Variants in CLSTN1 observed in about 807,000 individuals in gnomAD.
CLSTN1 encodes calsyntenin 1.
Under a neutral mutation model 108.3 loss-of-function variants are expected in CLSTN1, and 28 were observed. The ratio of observed to expected loss-of-function variants is 0.26; its 90% CI spans 0.19 to 0.35. The LOEUF is 0.35. CLSTN1 is among the 10% of genes least tolerant of loss of function. CLSTN1 has a pLI of 1.00. For synonymous variants in CLSTN1, 524 were observed against 534.9 expected (o/e 0.98, Z 0.28); for missense variants, 1,157 against 1,302.6 (o/e 0.89, Z 1.72).
chr1:9,733,912 A>C, intron 15 of CLSTN1, 60 bp downstream of exon 15: 3 of 1,518,832 alleles, frequency 2.0e-6, no homozygotes, highest in Non-Finnish European at 2.7e-6. Flanking sequence ...GCCAGCCAAG[A>C]GCTCTCAAAG....
At chr1:9,808,473 T>C (rs564063582) in intron 1 of CLSTN1, among the ~76,000 whole-genome samples, 1 of 152,310 alleles carries the variant, frequency 6.6e-6, no homozygotes, top group African/African-American at 2.4e-5. Flanking sequence ...AAGATACAAT[T>C]TGGGTTCCAA....
chr1:9,750,733 AG>A (rs1000755749), intron 5 of CLSTN1, among the ~76,000 whole-genome samples: 9 of 150,592 alleles, frequency 6.0e-5, no homozygotes, highest in African/African-American at 2.2e-4. Flanking sequence ...AAAAAAAAAA[AG>A]ATGTCACAGG....
intron 1 of CLSTN1, among the ~76,000 whole-genome samples, chr1:9,792,743 T>TC (rs1271520185): frequency 6.6e-6 from 1 of 151,106 alleles, no homozygotes; most frequent in South Asian, 2.2e-4. Flanking sequence ...CAGGTAAAAA[T>TC]CCCCAAGGAG....
At chr1:9,781,984 G>A (rs189360356) in intron 1 of CLSTN1, among the ~76,000 whole-genome samples, 2 of 152,198 alleles carry the variant, frequency 1.3e-5, no homozygotes, top group African/African-American at 2.4e-5. Context: ...ATTGTATTGG[G>A]CTGAAAGCTG....
intron 1 of CLSTN1, among the ~76,000 whole-genome samples, chr1:9,817,151 G>C (rs566376401): frequency 7.9e-5 from 12 of 152,192 alleles, no homozygotes; most frequent in Non-Finnish European, 1.5e-4. Flanking sequence ...AGGACTGATT[G>C]AGTCCAGGAG....
At chr1:9,749,713 T>A (rs372099971) in intron 6 of CLSTN1, 51 bp downstream of exon 6, 1 of 1,611,590 alleles carries the variant, frequency 6.2e-7, no homozygotes, top group South Asian at 1.1e-5. Context: ...TGCTGCCGCA[T>A]ACATCAGTTT....
At chr1:9,782,322 G>A (rs866241417) in intron 1 of CLSTN1, among the ~76,000 whole-genome samples, 1 of 152,238 alleles carries the variant, frequency 6.6e-6, no homozygotes, top group African/African-American at 2.4e-5. Flanking sequence ...AAAAAAATGT[G>A]TAAAATGAAA....
intron 1 of CLSTN1, among the ~76,000 whole-genome samples, chr1:9,821,485 T>G (rs1358976476): frequency 6.6e-6 from 1 of 152,218 alleles, no homozygotes; most frequent in Non-Finnish European, 1.5e-5. Context: ...AATTTGAGGG[T>G]CTCTACAAAA....
intron 1 of CLSTN1, among the ~76,000 whole-genome samples, chr1:9,799,059 T>C (rs1654137833): frequency 1.3e-5 from 2 of 151,838 alleles, no homozygotes; most frequent in South Asian, 4.2e-4. Context: ...TGCACGCCCA[T>C]GGTCCCAGCT....
intron 7 of CLSTN1, 145 bp downstream of exon 7, chr1:9,749,316 A>G: frequency 1.2e-6 from 1 of 846,156 alleles, no homozygotes. Context: ...ACTAGCCAGC[A>G]AGGCAGCAAA....
intron 9 of CLSTN1, among the ~76,000 whole-genome samples, chr1:9,743,604 G>C (rs577237131): frequency 6.6e-6 from 1 of 152,092 alleles, no homozygotes; most frequent in Non-Finnish European, 1.5e-5. Flanking sequence ...CTGGAGTGAA[G>C]TGGCACAATC....
At position 9,741,112 on chromosome 1, in the gene CLSTN1, C is replaced by A; in HGVS notation, c.1501G>T (p.Val501Leu). The A allele has an allele frequency of 6.2e-7, 1 of 1,613,620 alleles. No homozygotes were observed. The highest frequency in any genetic ancestry group is 8.5e-7 in the Non-Finnish European group (1 of 1,179,710). The change falls in exon 10 of 19, where the codon GTG becomes TTG. Residue 501 changes from valine to leucine, a missense_variant. Physicochemically the swap from Val to Leu is conservative, Grantham distance 32. Coordinates refer to ENST00000377298, the MANE Select transcript of CLSTN1 (RefSeq NM_001009566.3). ...CAGGTACCTTGCCAGCAAGCCCCCA[C>A]CACGAGCTGAGTTTCTATCTTGGAT... is the stretch of plus-strand genomic sequence containing the variant. ...HPSKIETQLV[V>L]GACWQEFSGV...
At position 9,732,864 on chromosome 1, in the gene CLSTN1, A is replaced by G. The variant is rs1298016641; in HGVS notation, c.2427+537T>C. Among the ~76,000 whole-genome samples, 6 of 152,312 alleles carry G rather than the reference A, an allele frequency of 3.9e-5. No individual in the cohort carries two copies. The East Asian group carries it at 1.2e-3, about 29-fold the overall frequency. ...CCAGTGACCTGGCACAGATGCAGAG[A>G]ACTTTTGGTTCCCTGGATGCTGCTC... On this transcript the variant is annotated intron_variant, in intron 16 of 18. Coordinates refer to ENST00000377298, the MANE Select transcript of CLSTN1 (RefSeq NM_001009566.3).
chr1:9,784,939 CA>C (rs1653410769), intron 1 of CLSTN1, among the ~76,000 whole-genome samples: 1 of 150,052 alleles, frequency 6.7e-6, no homozygotes, highest in Admixed American at 6.7e-5. Context: ...GTTTTAAAAT[CA>C]AAATATAAAA....
intron 1 of CLSTN1, among the ~76,000 whole-genome samples, chr1:9,806,806 G>C (rs1209905290): frequency 1.3e-5 from 2 of 152,088 alleles, no homozygotes; most frequent in African/African-American, 4.8e-5. Flanking sequence ...GTGAACCCAG[G>C]AGGTGGAGCT....
At chr1:9,783,715 G>T (rs557845162) in intron 1 of CLSTN1, among the ~76,000 whole-genome samples, 2 of 150,836 alleles carry the variant, frequency 1.3e-5, no homozygotes, top group Admixed American at 1.3e-4. Context: ...AAAATTGGCC[G>T]GGCACAGTGG....
At chr1:9,762,960 CT>C (rs34695145) in intron 2 of CLSTN1, among the ~76,000 whole-genome samples, 18,670 of 151,178 alleles carry the variant, frequency 0.12, 1,838 homozygotes, top group South Asian at 0.29. Context: ...TTCGGGGTAC[CT>C]TTTTTTTTCT....
intron 1 of CLSTN1, among the ~76,000 whole-genome samples, chr1:9,809,188 C>T (rs189044293): frequency 1.3e-5 from 2 of 152,310 alleles, no homozygotes; most frequent in East Asian, 3.9e-4. Context: ...CAGATGCCTC[C>T]CAGAGCCCTC....
At chr1:9,795,563 C>A (rs1020075324) in intron 1 of CLSTN1, among the ~76,000 whole-genome samples, 2 of 151,204 alleles carry the variant, frequency 1.3e-5, no homozygotes, top group East Asian at 3.9e-4. Context: ...TTAAAAAGGG[C>A]AGAACCAATA....
Sources: allele counts gnomAD v4.1 joint callset (sites outside exome capture counted in the v4.1 genomes callset), GRCh38; gene constraint gnomAD v4.1.1; transcripts MANE v1.5; gene names NCBI Gene and HGNC (gene_info 2026-07-23, HGNC 2026-07-21).